The following TET3 variants were observed in gnomAD, a reference collection of about 807,000 sequenced individuals.
TET3 encodes the protein methylcytosine dioxygenase TET3.
Under a neutral mutation model 141.4 loss-of-function variants are expected in TET3, and 19 were observed. The ratio of observed to expected loss-of-function variants is 0.13; its 90% CI spans 0.09 to 0.20. The LOEUF (loss-of-function observed/expected upper bound fraction) is 0.20, where lower values mean the gene tolerates loss of function less well. TET3 is among the 10% of genes least tolerant of loss of function. The pLI is 1.00. For synonymous variants in TET3, 1,043 were observed against 980.9 expected, an observed-to-expected ratio of 1.06 and a Z score of -1.18; for missense variants, 1,874 against 2,356.9, an observed-to-expected ratio of 0.80 and a Z score of 4.24.
At chr2:74,018,245 G>A (rs1685840740) in intron 3 of TET3, among the ~76,000 whole-genome samples, 1 of 152,116 alleles carries the variant, frequency 6.6e-6, no homozygotes, top group Non-Finnish European at 1.5e-5. Context: ...GGGATTACAG[G>A]TGTGAGCCAC....
intron 3 of TET3, among the ~76,000 whole-genome samples, chr2:74,007,845 G>A (rs1454446740): frequency 6.6e-6 from 1 of 152,140 alleles, no homozygotes; most frequent in Non-Finnish European, 1.5e-5. Context: ...CCAAAAGATT[G>A]CAAAACTAAA....
chr2:74,107,073 A>G lies in TET3; in HGVS notation c.*4897A>G, dbSNP rs966658139. ...TAGCCAGCTGCCTCTGCTGTAGTACATGGCCAACTTCAACATACCCTGGAC... is the reference window on the plus strand; with the variant it reads ...TAGCCAGCTGCCTCTGCTGTAGTACGTGGCCAACTTCAACATACCCTGGAC... On this transcript the variant is annotated 3_prime_UTR_variant, in exon 12 of 12. Transcript: ENST00000409262. 1 of 152,236 alleles carries G rather than the reference A, an allele frequency of 6.6e-6. No homozygotes were observed. Among genetic ancestry groups the G allele is most frequent in the Non-Finnish European group, 1.5e-5 (1 of 68,028 alleles). 9.4% of individuals were successfully genotyped at this position (152,236 alleles called of 1,614,324 possible). A position where few individuals can be genotyped will look rare whatever the true frequency, so the allele number is the denominator to read the frequency against.
chr2:74,049,720 G>A (rs185780247), intron 4 of TET3, among the ~76,000 whole-genome samples: 2 of 152,122 alleles, frequency 1.3e-5, no homozygotes, highest in Admixed American at 1.3e-4. Flanking sequence ...CGGTCAGTAG[G>A]GAGGAGCTGG....
At chr2:74,035,039 A>C (rs1686962836) in intron 3 of TET3, among the ~76,000 whole-genome samples, 1 of 150,124 alleles carries the variant, frequency 6.7e-6, no homozygotes. Flanking sequence ...AAAAATACAA[A>C]AAAAAAAAAA....
In TET3 at chr2:74,087,982, C is replaced by T. The variant is rs556101692; in HGVS notation, c.2832C>T (p.Thr944=). The T allele has an allele frequency of 2.0e-4, 311 of 1,560,284 alleles. 9 individuals are homozygous for T. The South Asian group carries it at 2.9e-3, about 15-fold the overall frequency. ...SLGDTLYQEL[T]DTLRKYGNPT... The stretch of plus-strand genomic sequence containing the variant: ...GAGACACCCTCTACCAGGAGCTCAC[C>T]GACACCCTCCGGAAGTATGGGAACC... Residue 944 remains threonine, a synonymous_variant, in exon 7 of 12, where the codon ACC becomes ACT. Coordinates refer to ENST00000409262, the MANE Select transcript of TET3 (RefSeq NM_001287491.2). This position sits in a 1 kb window ranked among gnomAD's most constrained non-coding sequence, Gnocchi z 4.3.
At chr2:74,066,385 T>C (rs779538908) in intron 4 of TET3, among the ~76,000 whole-genome samples, 3 of 152,114 alleles carry the variant, frequency 2.0e-5, no homozygotes, top group Non-Finnish European at 4.4e-5. Flanking sequence ...AAATCGATGG[T>C]GGTAGTGTAT....
chr2:74,009,763 A>G (rs1344112004), intron 3 of TET3, among the ~76,000 whole-genome samples: 1 of 152,228 alleles, frequency 6.6e-6, no homozygotes, highest in African/African-American at 2.4e-5. Context: ...GCATGGGCCC[A>G]GGGCTCTATG....
chr2:74,099,146 G>C, intron 10 of TET3, 130 bp from the exon 11 acceptor site: 1 of 809,014 alleles, frequency 1.2e-6, no homozygotes, highest in Non-Finnish European at 1.9e-6. Context: ...CAAACTCTTG[G>C]AAGTAGTAGT....
In TET3 at chr2:74,015,740, T is replaced by C. The variant is rs114939026; in HGVS notation, c.360+12574T>C. 5.3e-3 allele frequency among the ~76,000 whole-genome samples: 812 copies of C among 152,300 alleles called. 10 individuals carry two copies. The highest frequency in any genetic ancestry group is 0.019 in the African/African-American group (779 of 41,564). Reference sequence around the variant, plus strand: ...TAAGTGTTTGTATAGAACAAAATCATACAAATGAAATTTTAATTGACATTA... The same window carrying C: ...TAAGTGTTTGTATAGAACAAAATCACACAAATGAAATTTTAATTGACATTA... On this transcript the variant is annotated intron_variant, in intron 3 of 11. Transcript: ENST00000409262.
chr2:74,089,519 T>C (rs999733172), intron 7 of TET3, among the ~76,000 whole-genome samples: 2 of 152,206 alleles, frequency 1.3e-5, no homozygotes, highest in Non-Finnish European at 2.9e-5. Flanking sequence ...GTTCAAACCC[T>C]GGGGCTCACA....
chr2:74,076,650 A>G (rs1689532276), intron 5 of TET3, among the ~76,000 whole-genome samples: 2 of 146,150 alleles, frequency 1.4e-5, no homozygotes, highest in South Asian at 4.3e-4. Flanking sequence ...ATCACCTGTT[A>G]GTTTTATCTT....
At position 74,101,293 on chromosome 2, in the gene TET3, C is replaced by T. The variant is rs762195965; in HGVS notation, c.4505C>T (p.Ser1502Phe). The change falls in exon 12 of 12, where the codon TCC becomes TTC. Residue 1502 changes from serine (S) to phenylalanine (F), a missense_variant. Around this residue, in one of 10 missense-constraint regions of TET3, gnomAD observed 602 missense variants for 590.2 expected, o/e 1.02. Transcript: ENST00000409262. This position sits in a 1 kb window ranked among gnomAD's most constrained non-coding sequence, Gnocchi z 8.5. ...LFPGEGQQAA[S>F]HSGGRLRGKP... is the part of the protein sequence containing the mutation. ...CCCGGTGAGGGGCAGCAGGCAGCTT[C>T]CCACTCTGGAGGACGGCTGCGAGGC... 29 of 1,613,042 alleles carry T rather than the reference C, an allele frequency of 1.8e-5. No homozygotes were observed. Among genetic ancestry groups the T allele is most frequent in the Non-Finnish European group, 2.5e-5 (29 of 1,179,620 alleles).
At chr2:74,041,591 C>T (rs992026646) in intron 3 of TET3, among the ~76,000 whole-genome samples, 6 of 152,224 alleles carry the variant, frequency 3.9e-5, no homozygotes, top group Admixed American at 2.6e-4. Flanking sequence ...AAGAAAGATA[C>T]ATTAATGTAT....
At chr2:74,126,623 T>G in the TET3 span, among the ~76,000 whole-genome samples, 1 of 151,632 alleles carries the variant, frequency 6.6e-6, no homozygotes, top group Non-Finnish European at 1.5e-5. Context: ...TGCCTCAGTG[T>G]CCCACGTAGC....
At chr2:74,020,523 C>T (rs143881579) in intron 3 of TET3, among the ~76,000 whole-genome samples, 2 of 152,324 alleles carry the variant, frequency 1.3e-5, no homozygotes, top group East Asian at 3.9e-4. Context: ...TGGGGAATGG[C>T]AGGCACTATT....
chr2:74,089,080 CAAA>C (rs34315040), intron 7 of TET3, among the ~76,000 whole-genome samples: 8 of 60,572 alleles, frequency 1.3e-4, no homozygotes, highest in South Asian at 7.1e-4. Flanking sequence ...GATTCCGTCT[CAAA>C]AAAAAAAAAA....
At chr2:74,123,999 G>A in the TET3 span, among the ~76,000 whole-genome samples, 17 of 149,976 alleles carry the variant, frequency 1.1e-4, no homozygotes, top group South Asian at 8.4e-4. Context: ...CCCCGTCTGA[G>A]AAGTGAGGAG....
At chr2:74,078,798 T>C (rs1207546300) in intron 5 of TET3, among the ~76,000 whole-genome samples, 1 of 152,202 alleles carries the variant, frequency 6.6e-6, no homozygotes, top group Non-Finnish European at 1.5e-5. Flanking sequence ...ATTACAGAAA[T>C]ACAAGGTTAT....
the TET3 span, among the ~76,000 whole-genome samples, chr2:74,128,405 C>T: frequency 1.3e-5 from 2 of 152,040 alleles, no homozygotes; most frequent in African/African-American, 4.8e-5. Context: ...AAACTGCCAC[C>T]GCCAGGAGGA....
Sources: allele counts gnomAD v4.1 joint callset (sites outside exome capture counted in the v4.1 genomes callset), GRCh38; gene constraint gnomAD v4.1.1; regional missense constraint gnomAD v4.1.1; non-coding constraint Gnocchi (gnomAD v3.1); transcripts MANE v1.5; gene names NCBI Gene and HGNC (gene_info 2026-07-23, HGNC 2026-07-21).